Variants in FHIP1A observed in about 807,000 individuals in gnomAD.
FHIP1A encodes FHF complex subunit HOOK-interacting protein 1A.
In FHIP1A, 61 loss-of-function variants were observed where a neutral mutation model predicts 88.6. That is an observed-to-expected ratio of 0.69 (90% CI 0.56 to 0.85). The LOEUF (loss-of-function observed/expected upper bound fraction) is 0.85, where lower values mean the gene tolerates loss of function less well. FHIP1A is among the 40% of genes least tolerant of loss of function. The pLI is 0.00. For synonymous variants in FHIP1A, 478 were observed against 496.0 expected (o/e 0.96, Z 0.48); for missense variants, 1,154 against 1,273.5 (o/e 0.91, Z 1.43).
At chr4:151,543,318 C>T (rs1199114397) in intron 3 of FHIP1A, among the ~76,000 whole-genome samples, 1 of 152,126 alleles carries the variant, frequency 6.6e-6, no homozygotes, top group Non-Finnish European at 1.5e-5. Flanking sequence ...AAGTGAACCC[C>T]CTCCAAAACT....
At chr4:151,650,766 G>A (rs544867678) in intron 11 of FHIP1A, among the ~76,000 whole-genome samples, 174 bp downstream of exon 11, 3 of 152,228 alleles carry the variant, frequency 2.0e-5, no homozygotes, top group East Asian at 1.9e-4. Flanking sequence ...TTCCATTCTT[G>A]TAATGATTAT....
intron 3 of FHIP1A, among the ~76,000 whole-genome samples, chr4:151,496,068 T>C (rs1730449634): frequency 6.6e-6 from 1 of 152,096 alleles, no homozygotes. Context: ...TTAATATTGA[T>C]GTTTTAATCA....
intron 4 of FHIP1A, chr4:151,576,673 C>T (rs1733803332): frequency 6.6e-6 from 1 of 152,230 alleles, no homozygotes. Flanking sequence ...AGAAACACAG[C>T]ATTCAAACCC....
Position 151,666,212 on chromosome 4 carries a change from G to C in FHIP1A, c.*3458G>C, listed in dbSNP as rs28498882. Among the ~76,000 whole-genome samples the C allele has an allele frequency of 0.16, 24,632 of 152,192 alleles. 2,566 individuals carry two copies. Among genetic ancestry groups the C allele is most frequent in the African/African-American group, 0.3 (12,583 of 41,486 alleles). On this transcript the variant is annotated 3_prime_UTR_variant, in exon 14 of 14. Coordinates refer to ENST00000435205, the MANE Select transcript of FHIP1A (RefSeq NM_001109977.3). ...TTCAGCCTAAAACATAATTTCATGG[G>C]TGGTAAAATACAATTTCCCAACCAT...
intron 4 of FHIP1A, 140 bp from the exon 5 acceptor site, chr4:151,577,309 AC>A: frequency 1.5e-6 from 1 of 681,026 alleles, no homozygotes. Context: ...GGAGACACAC[AC>A]ACACACACAC....
intron 7 of FHIP1A, among the ~76,000 whole-genome samples, chr4:151,628,671 G>T (rs1736042767): frequency 6.6e-6 from 1 of 152,162 alleles, no homozygotes; most frequent in Non-Finnish European, 1.5e-5. Context: ...AAAATCGAGT[G>T]CATTTGACTC....
chr4:151,591,624 C>G (rs947323409), intron 7 of FHIP1A, among the ~76,000 whole-genome samples: 1 of 152,146 alleles, frequency 6.6e-6, no homozygotes, highest in Admixed American at 6.5e-5. Context: ...CCCTGACAGG[C>G]CCCGGTGTGT....
chr4:151,512,909 C>T (rs1014223975), intron 3 of FHIP1A, among the ~76,000 whole-genome samples: 1 of 152,174 alleles, frequency 6.6e-6, no homozygotes, highest in Admixed American at 6.5e-5. Flanking sequence ...CTTTCCCAAT[C>T]TAGCAAGGCA....
Position 151,604,166 on chromosome 4 carries a change from A to T in FHIP1A, c.978+15240A>T, listed in dbSNP as rs148152978. On this transcript the variant is annotated intron_variant, in intron 7 of 13. Coordinates refer to ENST00000435205, the MANE Select transcript of FHIP1A (RefSeq NM_001109977.3). Reference sequence around the variant, plus strand: ...GTGGTCAAGAGTTACTCTTTCTTCAAAGACCAGCCTAAATCCCACAGCCTC... The same window carrying T: ...GTGGTCAAGAGTTACTCTTTCTTCATAGACCAGCCTAAATCCCACAGCCTC... Among the ~76,000 whole-genome samples, 59 of 151,490 alleles carry T rather than the reference A, an allele frequency of 3.9e-4. No individual in the cohort carries two copies. The East Asian group carries it at 8.1e-3, about 21-fold the overall frequency.
chr4:151,411,347 A>ATTTTT lies in FHIP1A; in HGVS notation c.-356+1883_-356+1884insTTTTT, dbSNP rs33972159. ...GCCTCTGAGGAGTGAAATTATATATATATTTTTTTTTTTTTAAAGTTAGGG... is the reference window on the plus strand; with the variant it reads ...GCCTCTGAGGAGTGAAATTATATATATTTTTTATTTTTTTTTTTTTAAAGTTAGGG... On this transcript the variant is annotated intron_variant, in intron 1 of 13. Coordinates refer to ENST00000435205, the MANE Select transcript of FHIP1A (RefSeq NM_001109977.3). Among the ~76,000 whole-genome samples, 988 of 132,194 alleles carry ATTTTT rather than the reference A, an allele frequency of 7.5e-3. 18 individuals are homozygous for ATTTTT. The highest frequency in any genetic ancestry group is 0.015 in the African/African-American group (501 of 33,638). 86.7% of individuals were successfully genotyped at this position (132,194 alleles called of 152,430 possible). A position where few individuals can be genotyped will look rare whatever the true frequency, so the allele number is the denominator to read the frequency against.
intron 2 of FHIP1A, among the ~76,000 whole-genome samples, chr4:151,470,748 G>A (rs1729479224): frequency 6.6e-6 from 1 of 152,192 alleles, no homozygotes; most frequent in South Asian, 2.1e-4. Flanking sequence ...AAACCTGACA[G>A]ATCATGTGAA....
At chr4:151,505,081 G>C (rs1730786205) in intron 3 of FHIP1A, among the ~76,000 whole-genome samples, 1 of 152,080 alleles carries the variant, frequency 6.6e-6, no homozygotes, top group Non-Finnish European at 1.5e-5. Context: ...ATGTGACACA[G>C]GAAGTAAGCT....
chr4:151,515,630 A>G (rs918467649), intron 3 of FHIP1A, among the ~76,000 whole-genome samples: 45 of 152,308 alleles, frequency 3.0e-4, no homozygotes, highest in African/African-American at 1.0e-3. Flanking sequence ...TCAATGTACA[A>G]AAATCACAAG....
intron 1 of FHIP1A, among the ~76,000 whole-genome samples, chr4:151,426,751 G>A (rs59984665): frequency 0.11 from 17,160 of 152,146 alleles, 1,008 homozygotes; most frequent in African/African-American, 0.13. Flanking sequence ...AGCACTTCCT[G>A]GCATAGGCTG....
At chr4:151,646,942 A>T (rs1041559503) in intron 10 of FHIP1A, among the ~76,000 whole-genome samples, 194 bp downstream of exon 10, 4 of 152,152 alleles carry the variant, frequency 2.6e-5, no homozygotes, top group African/African-American at 9.7e-5. Context: ...ACGTGCCCAG[A>T]TGTTACGTTC....
intron 1 of FHIP1A, among the ~76,000 whole-genome samples, chr4:151,421,248 A>C (rs781492486): frequency 2.6e-5 from 4 of 152,164 alleles, no homozygotes; most frequent in Non-Finnish European, 5.9e-5. Flanking sequence ...GGATTTGTCA[A>C]ATTTTACACA....
chr4:151,592,725 T>G (rs983432405), intron 7 of FHIP1A, among the ~76,000 whole-genome samples: 2 of 152,232 alleles, frequency 1.3e-5, no homozygotes, highest in Non-Finnish European at 2.9e-5. Context: ...GTGTTCACTC[T>G]GATGCTAGTT....
intron 5 of FHIP1A, among the ~76,000 whole-genome samples, chr4:151,578,621 G>A (rs1733903606): frequency 6.6e-6 from 1 of 152,196 alleles, no homozygotes; most frequent in Non-Finnish European, 1.5e-5. Context: ...ATGTGGAGGA[G>A]TAGAAACTCT....
intron 3 of FHIP1A, among the ~76,000 whole-genome samples, chr4:151,516,891 T>C (rs909391398): frequency 4.6e-5 from 7 of 152,010 alleles, no homozygotes; most frequent in East Asian, 1.9e-4. Flanking sequence ...GAAGTCAGTG[T>C]GGTGATTCCT....
Sources: gnomAD v4.1 joint callset for allele counts (sites outside exome capture counted in the v4.1 genomes callset) on GRCh38, gnomAD v4.1.1 for gene constraint, MANE v1.5 for transcripts, NCBI Gene and HGNC (gene_info 2026-07-23, HGNC 2026-07-21) for gene names.